GRM8: variants seen among roughly 807,000 people sequenced by gnomAD.
GRM8 encodes the protein glutamate metabotropic receptor 8, also known as metabotropic glutamate receptor 8.
Under a neutral mutation model 87.2 loss-of-function variants are expected in GRM8, and 47 were observed. The ratio of observed to expected loss-of-function variants is 0.54; its 90% CI spans 0.43 to 0.69. The LOEUF (loss-of-function observed/expected upper bound fraction) is 0.69, where lower values mean the gene tolerates loss of function less well. Ranked by LOEUF, GRM8 falls within the 30% of genes least tolerant of loss-of-function variation. GRM8 has a pLI of 0.00. For synonymous variants in GRM8, 396 were observed against 404.5 expected (o/e 0.98, Z 0.25); for missense variants, 1,019 against 1,139.2 (o/e 0.89, Z 1.52).
Position 126,484,226 on chromosome 7 carries a change from T to A in GRM8, c.2431-37854A>T, listed in dbSNP as rs983999240. Among the ~76,000 whole-genome samples, 3 of 152,168 alleles carry A rather than the reference T, an allele frequency of 2.0e-5. No homozygotes were observed. In the South Asian group the frequency reaches 6.2e-4, roughly 32 times the overall value. ...CTGTCATACAAAATGATGGAGGCTT[T>A]AAATAAGTAACAGCTGGTTACCCCA... On this transcript the variant is annotated intron_variant, in intron 9 of 10. Transcript: ENST00000339582.
chr7:127,150,772 T>G (rs1051722859), intron 2 of GRM8, among the ~76,000 whole-genome samples: 2 of 152,046 alleles, frequency 1.3e-5, no homozygotes, highest in Non-Finnish European at 2.9e-5. Flanking sequence ...AGAGTCTGTA[T>G]GGGTCTTATT....
In GRM8 at chr7:126,855,502, C is replaced by T. The variant is rs538084252; in HGVS notation, c.1156+47040G>A. ...TTTTTTTTTTTTTGAGACAGAGTCT[C>T]GTTCTATCCCCCAGCCAGGCTGGAG... On this transcript the variant is annotated intron_variant, in intron 6 of 10. Coordinates refer to ENST00000339582, the MANE Select transcript of GRM8 (RefSeq NM_000845.3). Among the ~76,000 whole-genome samples the T allele has an allele frequency of 2.1e-5, 3 of 143,848 alleles. No individual in the cohort carries two copies. In the Admixed American group the frequency reaches 2.1e-4, roughly 10 times the overall value. 94.4% of individuals were successfully genotyped at this position (143,848 alleles called of 152,430 possible). A position where few individuals can be genotyped will look rare whatever the true frequency, so the allele number is the denominator to read the frequency against.
chr7:126,871,319 A>C (rs1203596286), intron 6 of GRM8, among the ~76,000 whole-genome samples: 1 of 152,224 alleles, frequency 6.6e-6, no homozygotes, highest in Non-Finnish European at 1.5e-5. Context: ...ATTCCTAATA[A>C]GTGTACAAAT....
chr7:126,998,505 A>G (rs1429493914), intron 3 of GRM8, among the ~76,000 whole-genome samples: 2 of 151,842 alleles, frequency 1.3e-5, no homozygotes, highest in Non-Finnish European at 3.0e-5. Context: ...AGATGGTATT[A>G]TATTATATTT....
At chr7:127,248,361 T>G (rs1418120639) in intron 1 of GRM8, among the ~76,000 whole-genome samples, 1 of 152,228 alleles carries the variant, frequency 6.6e-6, no homozygotes, top group Non-Finnish European at 1.5e-5. Flanking sequence ...GTCTAAAGTC[T>G]CAGGCGAGAA....
At chr7:126,595,510 G>A (rs151307439) in intron 8 of GRM8, among the ~76,000 whole-genome samples, 1,810 of 151,556 alleles carry the variant, frequency 0.012, 38 homozygotes, top group African/African-American at 0.041. Flanking sequence ...CAAGTAATCA[G>A]CCTGTCTGGG....
At chr7:126,841,675 T>C (rs1218206004) in intron 6 of GRM8, among the ~76,000 whole-genome samples, 1 of 151,850 alleles carries the variant, frequency 6.6e-6, no homozygotes, top group Non-Finnish European at 1.5e-5. Flanking sequence ...TCACCCAGAC[T>C]GGAGTGCAGT....
chr7:126,999,929 T>C (rs1813558493), intron 3 of GRM8, among the ~76,000 whole-genome samples: 1 of 151,888 alleles, frequency 6.6e-6, no homozygotes, highest in Non-Finnish European at 1.5e-5. Context: ...AAGGGATAGC[T>C]TCACTCCCAT....
rs1018527352 is a variant in GRM8 at position 126,800,921 on chromosome 7, T to C, written c.1157-30856A>G. On this transcript the variant is annotated intron_variant, in intron 6 of 10. Transcript: ENST00000339582. ...TACTATTAAAAAGCAAATAAATATC[T>C]TGAATAAATATTTGTAATATCTGAT... Among the ~76,000 whole-genome samples, 79 of 152,058 alleles carry C rather than the reference T, an allele frequency of 5.2e-4. 1 individual carries two copies. Among genetic ancestry groups the C allele is most frequent in the African/African-American group, 1.4e-3 (59 of 41,428 alleles).
chr7:126,879,898 G>C (rs973227321), intron 6 of GRM8, among the ~76,000 whole-genome samples: 6 of 152,114 alleles, frequency 3.9e-5, no homozygotes, highest in African/African-American at 1.4e-4. Context: ...AACTCATCTA[G>C]TTTGCGTGCC....
intron 9 of GRM8, among the ~76,000 whole-genome samples, chr7:126,501,635 C>G (rs907763433): frequency 1.1e-4 from 17 of 152,006 alleles, no homozygotes; most frequent in African/African-American, 4.1e-4. Context: ...AAATACTTGT[C>G]ATTGGGGATT....
chr7:127,224,774 TTTTC>T (rs1003263756), intron 2 of GRM8, among the ~76,000 whole-genome samples: 8 of 152,050 alleles, frequency 5.3e-5, no homozygotes, highest in African/African-American at 1.9e-4. Context: ...AGGGAGGTAA[TTTTC>T]TTTTTCTTTT....
At chr7:126,956,575 G>C (rs1025380722) in intron 3 of GRM8, among the ~76,000 whole-genome samples, 1 of 152,150 alleles carries the variant, frequency 6.6e-6, no homozygotes, top group Non-Finnish European at 1.5e-5. Flanking sequence ...ATGTTGGTGT[G>C]CTGCACCCAT....
intron 2 of GRM8, among the ~76,000 whole-genome samples, chr7:127,133,706 C>CA (rs137900224): frequency 0.023 from 2,251 of 98,454 alleles, 29 homozygotes; most frequent in East Asian, 0.1. Context: ...ACTCCCTCTC[C>CA]AAAAAAAAAA....
At chr7:127,027,634 T>C (rs1236909018) in intron 3 of GRM8, among the ~76,000 whole-genome samples, 1 of 152,122 alleles carries the variant, frequency 6.6e-6, no homozygotes, top group South Asian at 2.1e-4. Context: ...TGGCTGTTTG[T>C]CTGTTATTGG....
At chr7:126,693,136 G>A (rs1809005414) in intron 7 of GRM8, among the ~76,000 whole-genome samples, 1 of 152,062 alleles carries the variant, frequency 6.6e-6, no homozygotes, top group African/African-American at 2.4e-5. Context: ...GTCATTCACT[G>A]GAATAACAAA....
At chr7:127,172,202 C>T (rs1447364331) in intron 2 of GRM8, among the ~76,000 whole-genome samples, 1 of 151,822 alleles carries the variant, frequency 6.6e-6, no homozygotes, top group African/African-American at 2.4e-5. Flanking sequence ...ATTGATATTT[C>T]TTTTGTTATT....
At chr7:126,470,525 A>AT (rs1032885521) in intron 9 of GRM8, among the ~76,000 whole-genome samples, 28 of 151,916 alleles carry the variant, frequency 1.8e-4, no homozygotes. Flanking sequence ...TGAACTCATC[A>AT]TTTTTTATGG....
intron 7 of GRM8, among the ~76,000 whole-genome samples, chr7:126,644,261 A>G (rs926840339): frequency 6.6e-6 from 1 of 152,218 alleles, no homozygotes. Context: ...CCTCATGTCA[A>G]CAGCGGCCTC....
Sources: gnomAD v4.1 joint callset for allele counts (sites outside exome capture counted in the v4.1 genomes callset) on GRCh38, gnomAD v4.1.1 for gene constraint, MANE v1.5 for transcripts, NCBI Gene and HGNC (gene_info 2026-07-23, HGNC 2026-07-21) for gene names.